LYRM4: variants seen among roughly 807,000 people sequenced by gnomAD.
LYRM4 encodes the protein LYR motif containing 4.
Under a neutral mutation model 11.7 loss-of-function variants are expected in LYRM4, and 9 were observed. The ratio of observed to expected loss-of-function variants is 0.77; its 90% CI spans 0.46 to 1.34. LYRM4 has a LOEUF of 1.34. Among genes scored for constraint, LYRM4 ranks in the 40% most tolerant of loss-of-function variants. The pLI is 0.00. For synonymous variants in LYRM4, 42 were observed against 40.4 expected, an observed-to-expected ratio of 1.04 and a Z score of -0.15; for missense variants, 133 against 112.5, an observed-to-expected ratio of 1.18 and a Z score of -0.82.
chr6:5,154,381 T>G (rs1758263478), intron 2 of LYRM4, among the ~76,000 whole-genome samples: 1 of 152,148 alleles, frequency 6.6e-6, no homozygotes, highest in Non-Finnish European at 1.5e-5. Flanking sequence ...CATCTCCAGC[T>G]CCCAAGCCCC....
chr6:5,064,436 C>T, the LYRM4 span, among the ~76,000 whole-genome samples: 4 of 152,194 alleles, frequency 2.6e-5, no homozygotes, highest in African/African-American at 4.8e-5. Flanking sequence ...CTTTCCCATA[C>T]ACCCCTCAGC....
intron 2 of LYRM4, among the ~76,000 whole-genome samples, chr6:5,122,309 G>A (rs1464171578): frequency 6.6e-6 from 1 of 152,118 alleles, no homozygotes; most frequent in Non-Finnish European, 1.5e-5. Flanking sequence ...TGGGCTTCCA[G>A]ATGGCGGGTA....
chr6:5,178,136 G>T (rs1372621987), intron 2 of LYRM4, among the ~76,000 whole-genome samples: 1 of 152,134 alleles, frequency 6.6e-6, no homozygotes, highest in Non-Finnish European at 1.5e-5. Context: ...TGGCAACATA[G>T]TAGGCACTCA....
At chr6:5,033,301 C>T in the LYRM4 span, 11 of 152,084 alleles carry the variant, frequency 7.2e-5, no homozygotes, top group Non-Finnish European at 8.8e-5. Context: ...CACACGGAAT[C>T]TTTATGCTAG....
At chr6:5,152,827 C>T (rs983601516) in intron 2 of LYRM4, among the ~76,000 whole-genome samples, 14 of 152,190 alleles carry the variant, frequency 9.2e-5, no homozygotes, top group African/African-American at 1.4e-4. Context: ...AATGGAAACA[C>T]GCAGCAGACG....
chr6:5,077,383 C>T, the LYRM4 span, among the ~76,000 whole-genome samples: 1 of 152,154 alleles, frequency 6.6e-6, no homozygotes, highest in Non-Finnish European at 1.5e-5. Context: ...GAATGAAGGG[C>T]GTTCCTCCCA....
intron 2 of LYRM4, among the ~76,000 whole-genome samples, chr6:5,196,143 T>C (rs1761039596): frequency 6.6e-6 from 1 of 152,100 alleles, no homozygotes; most frequent in African/African-American, 2.4e-5. Context: ...GCAACGTGGC[T>C]CCGACCCCGC....
intron 2 of LYRM4, among the ~76,000 whole-genome samples, chr6:5,197,017 C>T (rs572599101): frequency 1.1e-4 from 16 of 152,314 alleles, no homozygotes; most frequent in Admixed American, 2.6e-4. Flanking sequence ...TGCTTTGACA[C>T]GAGCAGTTAG....
intron 1 of LYRM4, among the ~76,000 whole-genome samples, chr6:5,235,329 TA>T (rs1763480321): frequency 6.6e-6 from 1 of 151,960 alleles, no homozygotes; most frequent in Non-Finnish European, 1.5e-5. Flanking sequence ...TTTATTTAAT[TA>T]AAACAAACAA....
chr6:5,117,843 C>T (rs544689906), intron 2 of LYRM4, among the ~76,000 whole-genome samples: 4 of 152,012 alleles, frequency 2.6e-5, no homozygotes, highest in East Asian at 1.9e-4. Context: ...ATAAATACTG[C>T]ACTCTAGTCT....
intron 2 of LYRM4, among the ~76,000 whole-genome samples, chr6:5,169,988 G>A (rs538502965): frequency 3.9e-5 from 6 of 152,198 alleles, no homozygotes; most frequent in Non-Finnish European, 5.9e-5. Flanking sequence ...CCAGGGTCAC[G>A]CAGACAACAA....
At chr6:5,091,642 T>C in the LYRM4 span, among the ~76,000 whole-genome samples, 1 of 152,252 alleles carries the variant, frequency 6.6e-6, no homozygotes, top group East Asian at 1.9e-4. Flanking sequence ...TGAAGATGTT[T>C]GAGATGGCAA....
intron 2 of LYRM4, among the ~76,000 whole-genome samples, chr6:5,112,376 G>A (rs934196574): frequency 1.3e-5 from 2 of 152,224 alleles, no homozygotes; most frequent in East Asian, 1.9e-4. Context: ...ATGAGCGAGC[G>A]AGCGAAGGAA....
chr6:5,222,296 AC>A (rs1314961590), intron 1 of LYRM4, among the ~76,000 whole-genome samples: 1 of 152,208 alleles, frequency 6.6e-6, no homozygotes, highest in Non-Finnish European at 1.5e-5. Flanking sequence ...AATAATGAAA[AC>A]AAAACAATGA....
At chr6:5,082,163 G>A in the LYRM4 span, among the ~76,000 whole-genome samples, 4 of 152,306 alleles carry the variant, frequency 2.6e-5, no homozygotes, top group African/African-American at 9.6e-5. Context: ...TGTAGCTGGA[G>A]GGGCAGAAAT....
intron 1 of LYRM4, among the ~76,000 whole-genome samples, chr6:5,226,579 G>A (rs1416785765): frequency 6.6e-6 from 1 of 152,120 alleles, no homozygotes; most frequent in African/African-American, 2.4e-5. Context: ...GTTTTTCCAT[G>A]TTGGTCAAGC....
downstream of LYRM4, chr6:5,104,875 TTTC>T (rs1435239950): frequency 1.3e-5 from 2 of 152,300 alleles, no homozygotes; most frequent in Non-Finnish European, 2.9e-5. Context: ...GACTCGACTT[TTTC>T]TTTTCTTTCT....
intron 2 of LYRM4, among the ~76,000 whole-genome samples, chr6:5,154,545 G>A (rs894626051): frequency 1.1e-4 from 16 of 151,762 alleles, no homozygotes; most frequent in Admixed American, 2.0e-4. Flanking sequence ...GGCCGGGCGC[G>A]GTGGCTCAAG....
intron 2 of LYRM4, among the ~76,000 whole-genome samples, chr6:5,143,034 G>T (rs1278000107): frequency 1.3e-5 from 2 of 152,242 alleles, no homozygotes; most frequent in Non-Finnish European, 2.9e-5. Flanking sequence ...GATATGCTCT[G>T]TCCAGCCTCT....
Sources: gnomAD v4.1 joint callset for allele counts (sites outside exome capture counted in the v4.1 genomes callset) on GRCh38, gnomAD v4.1.1 for gene constraint, MANE v1.5 for transcripts, NCBI Gene and HGNC (gene_info 2026-07-23, HGNC 2026-07-21) for gene names.